PHF14: variants seen among roughly 807,000 people sequenced by gnomAD.
PHF14 encodes PHD finger protein 14.
Under a neutral mutation model 117.9 loss-of-function variants are expected in PHF14, and 55 were observed. The observed-to-expected ratio is 0.47, with a 90% CI of 0.38 to 0.58. PHF14 has a LOEUF of 0.58. PHF14 is among the 20% of genes least tolerant of loss of function. PHF14 has a pLI of 0.00. For synonymous variants in PHF14, 409 were observed against 368.6 expected, an observed-to-expected ratio of 1.11 and a Z score of -1.26; for missense variants, 978 against 1,122.2, an observed-to-expected ratio of 0.87 and a Z score of 1.84.
chr7:11,069,645 C>A, intron 16 of PHF14, among the ~76,000 whole-genome samples: 1 of 133,358 alleles, frequency 7.5e-6, no homozygotes, highest in Admixed American at 7.8e-5. Context: ...CCCTCCCCTC[C>A]TCTCCTCTCC....
chr7:11,133,840 A>G (rs1788149408), intron 17 of PHF14, among the ~76,000 whole-genome samples: 2 of 152,060 alleles, frequency 1.3e-5, no homozygotes, highest in Admixed American at 6.6e-5. Context: ...CAATTGCAGT[A>G]TGCAGTGATA....
intron 4 of PHF14, 21 bp from the exon 5 acceptor site, chr7:11,013,726 T>C (rs1783432802): frequency 7.2e-7 from 1 of 1,388,988 alleles, no homozygotes; most frequent in Non-Finnish European, 9.9e-7. Flanking sequence ...TATTTAATCA[T>C]AGTGTTTTTG....
intron 10 of PHF14, among the ~76,000 whole-genome samples, chr7:11,037,760 TAAAA>T (rs995544226): frequency 6.6e-6 from 1 of 152,044 alleles, no homozygotes; most frequent in African/African-American, 2.4e-5. Flanking sequence ...TTTTAAGTCA[TAAAA>T]AAATAGTAGG....
Position 11,013,822 on chromosome 7 carries a change from G to T in PHF14, c.1121G>T (p.Cys374Phe), listed in dbSNP as rs779101317. The T allele has an allele frequency of 6.2e-7, 1 of 1,609,264 alleles. No homozygotes were observed. Among genetic ancestry groups the T allele is most frequent in the Admixed American group, 1.7e-5 (1 of 59,958 alleles). ...GAAAACTCCACTGAACCTTGGTTTT[G>T]TGATGCCTGTAAATGTGGTGTTTCT... ...ASENSTEPWF[C>F]DACKCGVSPS... Residue 374 changes from cysteine (C) to phenylalanine (F), a missense_variant, in exon 5 of 18, where the codon TGT becomes TTT. By Grantham distance (205) the Cys-to-Phe change is radical (BLOSUM62 -2). Around this residue, in one of 7 missense-constraint regions of PHF14, gnomAD observed 86 missense variants for 137.8 expected, o/e 0.62. Coordinates refer to ENST00000634607, the MANE Select transcript of PHF14 (RefSeq NM_001007157.2).
intron 8 of PHF14, 64 bp downstream of exon 8, chr7:11,035,850 C>G (rs1471213155): frequency 7.8e-7 from 1 of 1,276,970 alleles, no homozygotes; most frequent in East Asian, 2.4e-5. Flanking sequence ...TTTTACGTCT[C>G]GTGTGGCTTC....
chr7:11,106,597 T>C, intron 16 of PHF14: 1 of 984,114 alleles, frequency 1.0e-6, no homozygotes, highest in Non-Finnish European at 1.2e-6. Flanking sequence ...TTGTATTTTC[T>C]CCATCTGTTA....
intron 3 of PHF14, among the ~76,000 whole-genome samples, chr7:10,987,869 A>G (rs1782278216): frequency 6.6e-6 from 1 of 151,988 alleles, no homozygotes; most frequent in Non-Finnish European, 1.5e-5. Context: ...AAACAGATCT[A>G]GCTGGGCGTG....
At chr7:11,140,489 G>T (rs1788370077) in intron 17 of PHF14, among the ~76,000 whole-genome samples, 1 of 152,070 alleles carries the variant, frequency 6.6e-6, no homozygotes, top group Non-Finnish European at 1.5e-5. Context: ...GTACAGTATA[G>T]GAGAAAGTAA....
chr7:10,990,779 T>C lies in PHF14; in HGVS notation c.977T>C (p.Leu326Pro). ...CATATTCTGATTTGCTGTGTTTGTCTGGGAGATAATAGTGAGGACGCTGAT... is the reference window on the plus strand; with the variant it reads ...CATATTCTGATTTGCTGTGTTTGTCCGGGAGATAATAGTGAGGACGCTGAT... ...MDHILICCVC[L>P]GDNSEDADEI... is the part of the protein sequence containing the mutation. The change falls in exon 4 of 18, where the codon CTG becomes CCG. Residue 326 changes from leucine to proline, a missense_variant. Leu to Pro is a moderately conservative substitution (Grantham distance 98, BLOSUM62 -3). Around this residue, in one of 7 missense-constraint regions of PHF14, gnomAD observed 414 missense variants for 376.4 expected, o/e 1.10. Transcript: ENST00000634607. The C allele has an allele frequency of 6.3e-7, 1 of 1,584,628 alleles. No individual in the cohort carries two copies. The highest frequency in any genetic ancestry group is 8.6e-7 in the Non-Finnish European group (1 of 1,162,622).
At chr7:11,045,505 A>G (rs908574209) in intron 13 of PHF14, among the ~76,000 whole-genome samples, 2 of 152,334 alleles carry the variant, frequency 1.3e-5, no homozygotes, top group Admixed American at 6.5e-5. Flanking sequence ...ATTAATTACT[A>G]TACAATCTGT....
At chr7:11,023,179 G>T (rs3815234) in intron 6 of PHF14, among the ~76,000 whole-genome samples, 200 bp downstream of exon 6, 7 of 152,170 alleles carry the variant, frequency 4.6e-5, no homozygotes, top group African/African-American at 1.7e-4. Flanking sequence ...TTAATTTAGA[G>T]TAACGTATGA....
intron 16 of PHF14, among the ~76,000 whole-genome samples, chr7:11,084,855 C>G (rs865843681): frequency 2.6e-5 from 4 of 151,968 alleles, no homozygotes; most frequent in African/African-American, 9.7e-5. Flanking sequence ...ATTGATGAAC[C>G]ATTTGGATTT....
intron 11 of PHF14, among the ~76,000 whole-genome samples, chr7:11,040,215 A>G (rs1784454936): frequency 6.6e-6 from 1 of 152,102 alleles, no homozygotes; most frequent in Admixed American, 6.5e-5. Context: ...CCAGCATACT[A>G]CAGATTAGTA....
At chr7:11,014,828 C>A (rs561188718) in intron 5 of PHF14, 1 of 151,768 alleles carries the variant, frequency 6.6e-6, no homozygotes, top group South Asian at 2.1e-4. Context: ...ACTACATTCA[C>A]ACTCATGTTT....
At chr7:11,035,874 C>T (rs371859217) in intron 8 of PHF14, 88 bp downstream of exon 8, 8 of 970,706 alleles carry the variant, frequency 8.2e-6, no homozygotes, top group East Asian at 7.5e-5. Flanking sequence ...TGACATGTGA[C>T]GTATAATAGG....
chr7:11,105,667 A>AC, intron 16 of PHF14: 1 of 984,042 alleles, frequency 1.0e-6, no homozygotes, highest in African/African-American at 1.7e-5. Context: ...AAGGATTGTG[A>AC]TTTCTAAGAT....
At chr7:11,088,277 T>G (rs1786496473) in intron 16 of PHF14, among the ~76,000 whole-genome samples, 1 of 152,182 alleles carries the variant, frequency 6.6e-6, no homozygotes, top group South Asian at 2.1e-4. Context: ...CTATTTTTTA[T>G]TGGGTTTATT....
intron 17 of PHF14, among the ~76,000 whole-genome samples, chr7:11,164,651 T>C (rs1245565392): frequency 2.6e-5 from 4 of 152,242 alleles, no homozygotes; most frequent in African/African-American, 9.6e-5. Context: ...ATTTTAAATT[T>C]ACAGAAAATT....
chr7:11,076,249 A>C (rs1455658651), intron 16 of PHF14, among the ~76,000 whole-genome samples: 1 of 152,190 alleles, frequency 6.6e-6, no homozygotes, highest in African/African-American at 2.4e-5. Context: ...TGGTTGGTAA[A>C]ACTTTCTTTG....
Sources: gnomAD v4.1 joint callset for allele counts (sites outside exome capture counted in the v4.1 genomes callset) on GRCh38, gnomAD v4.1.1 for gene constraint, gnomAD v4.1.1 regional missense constraint, MANE v1.5 for transcripts, NCBI Gene and HGNC (gene_info 2026-07-23, HGNC 2026-07-21) for gene names.